The following ENKUR variants were observed in gnomAD, a reference collection of about 807,000 sequenced individuals.
ENKUR encodes the protein enkurin, TRPC channel interacting protein, also known as enkurin.
A neutral mutation model predicts 27.6 loss-of-function variants in ENKUR; 19 were observed. That is an observed-to-expected ratio of 0.69 (90% CI 0.48 to 1.01). The LOEUF (loss-of-function observed/expected upper bound fraction) is 1.01, where lower values mean the gene tolerates loss of function less well. ENKUR is among the 50% of genes least tolerant of loss of function. The probability of loss-of-function intolerance (pLI) is 0.00; values close to 1 mark genes in which losing one functional copy is unlikely to be tolerated. For missense variants in ENKUR, 312 were observed against 310.5 expected (o/e 1.00, Z -0.04); for synonymous variants, 117 against 96.9 (o/e 1.21, Z -1.22).
At chr10:25,062,263 T>G (rs1851337897) in exon 1 of ENKUR, 1 of 152,224 alleles carries the variant, frequency 6.6e-6, no homozygotes, top group South Asian at 2.1e-4. Flanking sequence ...TTTCCACCAG[T>G]GTTCCTCTCT....
At chr10:25,061,006 G>A in intron 2 of ENKUR, 6 of 1,084,558 alleles carry the variant, frequency 5.5e-6, no homozygotes, top group Non-Finnish European at 8.0e-6. Context: ...GAGCCACTGG[G>A]CCTGGCCCTT....
At chr10:25,046,355 T>C (rs1383349811) in intron 2 of ENKUR, among the ~76,000 whole-genome samples, 1 of 152,224 alleles carries the variant, frequency 6.6e-6, no homozygotes, top group Non-Finnish European at 1.5e-5. Context: ...GAACGCATTA[T>C]GTCAATCATC....
chr10:25,058,708 A>C (rs970017095), intron 2 of ENKUR, among the ~76,000 whole-genome samples: 2 of 151,842 alleles, frequency 1.3e-5, no homozygotes, highest in Admixed American at 1.3e-4. Flanking sequence ...AGGCGAGCTG[A>C]TCACCTGAGG....
At chr10:25,054,559 T>C (rs1851231069) in intron 2 of ENKUR, among the ~76,000 whole-genome samples, 1 of 151,094 alleles carries the variant, frequency 6.6e-6, no homozygotes, top group South Asian at 2.1e-4. Context: ...TTTCTTTCTT[T>C]CTTTCTTCCT....
chr10:25,051,603 T>C (rs1049123844), intron 2 of ENKUR, among the ~76,000 whole-genome samples: 1 of 152,122 alleles, frequency 6.6e-6, no homozygotes, highest in Non-Finnish European at 1.5e-5. Flanking sequence ...GACCTCCCTA[T>C]CACAAGGACA....
chr10:25,019,605 T>C (rs1850677949), upstream of ENKUR, among the ~76,000 whole-genome samples: 1 of 152,254 alleles, frequency 6.6e-6, no homozygotes, highest in Admixed American at 6.5e-5. Context: ...GATTAAGGTA[T>C]ACAGGAGGAT....
chr10:25,031,833 T>C lies in ENKUR; in HGVS notation c.37+29279A>G, dbSNP rs1850938830. Among the ~76,000 whole-genome samples the C allele has an allele frequency of 2.0e-5, 3 of 152,008 alleles. No homozygotes were observed. The South Asian group carries it at 6.2e-4, about 31-fold the overall frequency. On this transcript the variant is annotated intron_variant, in intron 2 of 5. Coordinates refer to the ENKUR transcript ENST00000615958. The stretch of plus-strand genomic sequence containing the variant: ...TTTTTTTTAAACTCTTTAAGGAATT[T>C]TTAAAGCCTTTTTCTTTTCCTGTAG...
intron 3 of ENKUR, among the ~76,000 whole-genome samples, chr10:24,992,000 T>C (rs75290576): frequency 0.013 from 2,008 of 152,296 alleles, 58 homozygotes; most frequent in African/African-American, 0.046. Flanking sequence ...CACAGCCCTA[T>C]GGTACACTCT....
rs191007897 is a variant in ENKUR, at chr10:24,990,903, C to A, written c.448-294G>T. The stretch of plus-strand genomic sequence containing the variant: ...TCACTTGAGGTCAGGAGTTCGAGAC[C>A]AGCCTGGCCAACATGGTGAAACCCC... On this transcript the variant is annotated intron_variant, in intron 3 of 5. Coordinates refer to ENST00000331161, the MANE Select transcript of ENKUR (RefSeq NM_145010.4). Among the ~76,000 whole-genome samples, 76 of 152,248 alleles carry A rather than the reference C, an allele frequency of 5.0e-4. 2 individuals carry two copies. The highest frequency in any genetic ancestry group is 1.8e-3 in the African/African-American group (73 of 41,544).
chr10:25,035,472 T>C (rs894183269), intron 2 of ENKUR, among the ~76,000 whole-genome samples: 5 of 151,976 alleles, frequency 3.3e-5, no homozygotes, highest in South Asian at 4.1e-4. Flanking sequence ...GGAGAATCGC[T>C]TGAATCCAGG....
chr10:25,007,126 C>G (rs904379251), intron 1 of ENKUR, among the ~76,000 whole-genome samples: 5 of 152,160 alleles, frequency 3.3e-5, no homozygotes, highest in Non-Finnish European at 2.9e-5. Flanking sequence ...TTTGAGTCAT[C>G]ATGTCTAGAC....
chr10:25,012,325 T>A (rs965454543), intron 1 of ENKUR, among the ~76,000 whole-genome samples: 1 of 152,226 alleles, frequency 6.6e-6, no homozygotes, highest in Non-Finnish European at 1.5e-5. Context: ...GGGCACTGCC[T>A]AGTGGAGCTG....
chr10:25,007,553 G>C (rs1850343618), intron 1 of ENKUR, among the ~76,000 whole-genome samples: 1 of 152,136 alleles, frequency 6.6e-6, no homozygotes, highest in Non-Finnish European at 1.5e-5. Flanking sequence ...TCCTGCCTCA[G>C]CCTCCAGAGT....
In ENKUR at chr10:24,982,845, G is replaced by A. The variant is rs926126669; in HGVS notation, c.*1525C>T. The stretch of plus-strand genomic sequence containing the variant: ...AGAGAAAAGTCTAGATTCTTTAGTA[G>A]ACATTTACAGAAAGCAAAAGAATTA... On this transcript the variant is annotated 3_prime_UTR_variant, in exon 6 of 6. Transcript: ENST00000331161. 1 of 152,142 alleles carries A rather than the reference G, an allele frequency of 6.6e-6. No homozygotes were observed. The highest frequency in any genetic ancestry group is 2.4e-5 in the African/African-American group (1 of 41,424). 9.4% of individuals were successfully genotyped at this position (152,142 alleles called of 1,614,324 possible). A position where few individuals can be genotyped will look rare whatever the true frequency, so the allele number is the denominator to read the frequency against.
At position 24,984,665 on chromosome 10, in the gene ENKUR, G is replaced by GC. The variant is rs1398877131; in HGVS notation, c.764+70_764+71insG. 2.8e-6 allele frequency: 4 copies of GC among 1,406,602 alleles called. No homozygotes were observed. The South Asian group carries it at 5.5e-5, about 19-fold the overall frequency. The allele number at this position is 1,406,602 out of a possible 1,614,324, so 87.1% of individuals were successfully genotyped here. A position where few individuals can be genotyped will look rare whatever the true frequency, so the allele number is the denominator to read the frequency against. Reference sequence around the variant, plus strand: ...TAGTATTTTCCTTTTTGAAAAACTTGGAGTTTTTTATATTTTCCATGTTTT... The same window carrying GC: ...TAGTATTTTCCTTTTTGAAAAACTTGCGAGTTTTTTATATTTTCCATGTTTT... On this transcript the variant is annotated intron_variant, in intron 5 of 5. Transcript: ENST00000331161.
chr10:25,003,085 TAAGTA>T (rs1382139630), intron 1 of ENKUR, among the ~76,000 whole-genome samples: 1 of 152,096 alleles, frequency 6.6e-6, no homozygotes, highest in Non-Finnish European at 1.5e-5. Context: ...AAAATAACAT[TAAGTA>T]AATTAAAATC....
chr10:25,061,073 C>A, intron 2 of ENKUR: 2 of 1,533,866 alleles, frequency 1.3e-6, no homozygotes, highest in Non-Finnish European at 1.7e-6. Flanking sequence ...GCTGGCTGCC[C>A]AGATGCAAAA....
At chr10:25,022,362 A>T (rs548862651) in intron 2 of ENKUR, among the ~76,000 whole-genome samples, 8 of 152,300 alleles carry the variant, frequency 5.3e-5, no homozygotes, top group African/African-American at 1.9e-4. Flanking sequence ...CTCTCCACTG[A>T]TGATTATAGG....
At chr10:25,057,426 C>CAT (rs1370801557) in intron 2 of ENKUR, among the ~76,000 whole-genome samples, 7 of 131,922 alleles carry the variant, frequency 5.3e-5, no homozygotes, top group African/African-American at 2.0e-4. Flanking sequence ...CACACACACA[C>CAT]ACAATGCCCT....
Sources: allele counts gnomAD v4.1 joint callset (sites outside exome capture counted in the v4.1 genomes callset), GRCh38; gene constraint gnomAD v4.1.1; transcripts MANE v1.5; gene names NCBI Gene and HGNC (gene_info 2026-07-23, HGNC 2026-07-21).